ADAMTS17: variants seen among roughly 807,000 people sequenced by gnomAD.
ADAMTS17 encodes the protein ADAM metallopeptidase with thrombospondin type 1 motif 17.
A neutral mutation model predicts 141.5 loss-of-function variants in ADAMTS17; 113 were observed. The ratio of observed to expected loss-of-function variants is 0.80; its 90% CI spans 0.69 to 0.93. The LOEUF is 0.93. ADAMTS17 is among the 40% of genes least tolerant of loss of function. The pLI is 0.00. For missense variants in ADAMTS17, 1,659 were observed against 1,517.9 expected, an observed-to-expected ratio of 1.09 and a Z score of -1.54; for synonymous variants, 768 against 630.6, an observed-to-expected ratio of 1.22 and a Z score of -3.27.
chr15:100,125,482 C>T (rs767717260), intron 12 of ADAMTS17, among the ~76,000 whole-genome samples: 46 of 152,252 alleles, frequency 3.0e-4, no homozygotes, highest in Non-Finnish European at 5.9e-4. Context: ...TGCATGTGGG[C>T]GGCACCTCAT....
At chr15:100,212,620 T>C (rs912318951) in intron 7 of ADAMTS17, among the ~76,000 whole-genome samples, 1 of 151,836 alleles carries the variant, frequency 6.6e-6, no homozygotes, top group Admixed American at 6.6e-5. Flanking sequence ...CCCTCTCTGA[T>C]GAGCCAAGTC....
intron 18 of ADAMTS17, among the ~76,000 whole-genome samples, chr15:100,028,904 A>G (rs1176224080): frequency 1.3e-5 from 2 of 152,238 alleles, no homozygotes; most frequent in African/African-American, 4.8e-5. Flanking sequence ...CTTAACAGGC[A>G]TCTCCTTCTC....
At chr15:100,117,078 C>G in intron 12 of ADAMTS17, 65 bp from the exon 13 acceptor site, 2 of 1,534,782 alleles carry the variant, frequency 1.3e-6, no homozygotes, top group Non-Finnish European at 8.8e-7. Context: ...GAGCTGTTTC[C>G]GTCTCTCTTG....
chr15:100,338,884 G>A (rs1246996598), intron 2 of ADAMTS17: 1 of 945,522 alleles, frequency 1.1e-6, no homozygotes, highest in Non-Finnish European at 1.3e-6. Context: ...TGCAAACTTG[G>A]TTAGCCCAAA....
chr15:100,105,879 G>A (rs1014988023), intron 14 of ADAMTS17, among the ~76,000 whole-genome samples: 1 of 152,012 alleles, frequency 6.6e-6, no homozygotes, highest in African/African-American at 2.4e-5. Flanking sequence ...TAGTACAGAT[G>A]GAGTTTCACC....
At chr15:99,974,804 C>T (rs971846579) in intron 21 of ADAMTS17, among the ~76,000 whole-genome samples, 2 of 152,258 alleles carry the variant, frequency 1.3e-5, no homozygotes, top group African/African-American at 2.4e-5. Context: ...CTGGCTGCCT[C>T]TTCAGGGAAG....
At chr15:100,193,934 G>A (rs2041016548) in intron 8 of ADAMTS17, among the ~76,000 whole-genome samples, 1 of 152,230 alleles carries the variant, frequency 6.6e-6, no homozygotes, top group Non-Finnish European at 1.5e-5. Flanking sequence ...GGTGCCACTT[G>A]GGCTGGAGAC....
chr15:100,002,861 A>C (rs549238877), intron 18 of ADAMTS17, among the ~76,000 whole-genome samples: 1 of 151,706 alleles, frequency 6.6e-6, no homozygotes, highest in Non-Finnish European at 1.5e-5. Flanking sequence ...TTTCCCGCGG[A>C]GTTCTTACAA....
intron 15 of ADAMTS17, among the ~76,000 whole-genome samples, chr15:100,066,144 G>C (rs1017338865): frequency 1.3e-5 from 2 of 152,152 alleles, no homozygotes; most frequent in Non-Finnish European, 2.9e-5. Context: ...ATTTGGGTTG[G>C]TTCCAAGTCT....
At chr15:100,162,533 TTATATGTG>T (rs1567284840) in intron 8 of ADAMTS17, among the ~76,000 whole-genome samples, 44 of 63,180 alleles carry the variant, frequency 7.0e-4, no homozygotes, top group African/African-American at 2.8e-3. Flanking sequence ...CATATACACA[TTATATGTG>T]TATATATATG....
chr15:100,238,137 G>A (rs2042715267), intron 7 of ADAMTS17, among the ~76,000 whole-genome samples: 1 of 152,190 alleles, frequency 6.6e-6, no homozygotes, highest in Non-Finnish European at 1.5e-5. Context: ...TGTTGGCATA[G>A]GCAACCTCAA....
chr15:100,320,084 A>G (rs2045686160), intron 3 of ADAMTS17, among the ~76,000 whole-genome samples: 2 of 152,224 alleles, frequency 1.3e-5, no homozygotes, highest in South Asian at 4.1e-4. Flanking sequence ...AACTCAGTAG[A>G]AGATTAAATG....
chr15:100,310,291 G>A (rs576647624), intron 3 of ADAMTS17, among the ~76,000 whole-genome samples: 1 of 152,248 alleles, frequency 6.6e-6, no homozygotes, highest in Admixed American at 6.5e-5. Flanking sequence ...GCCCCACACA[G>A]GGAGAGGAGG....
chr15:100,234,360 C>T (rs1000461931), intron 7 of ADAMTS17, among the ~76,000 whole-genome samples: 1 of 152,178 alleles, frequency 6.6e-6, no homozygotes, highest in African/African-American at 2.4e-5. Context: ...AGGACACCGC[C>T]TGGCATATGG....
At chr15:100,200,308 G>A (rs2041277238) in intron 7 of ADAMTS17, among the ~76,000 whole-genome samples, 1 of 152,148 alleles carries the variant, frequency 6.6e-6, no homozygotes, top group East Asian at 1.9e-4. Context: ...TGTGGCTTTG[G>A]CAGAGGGACG....
chr15:100,155,236 G>A lies in ADAMTS17; in HGVS notation c.1266C>T (p.Asn422=), dbSNP rs1457252351. The change falls in exon 9 of 22, where the codon AAC becomes AAT. Residue 422 remains asparagine (N), a synonymous_variant. Coordinates refer to ENST00000268070, the MANE Select transcript of ADAMTS17 (RefSeq NM_139057.4). ...IMSGEWVKGR[N]PSDLSWSSCS... ...AGGAGGACCAAGAGAGGTCACTTGG[G>A]TTCCGGCCTTTCACCCACTCTCCTG... The A allele has an allele frequency of 1.2e-6, 2 of 1,614,080 alleles. No homozygotes were observed. The highest frequency in any genetic ancestry group is 1.3e-5 in the African/African-American group (1 of 74,924).
chr15:100,019,556 C>T (rs141821681), intron 18 of ADAMTS17, among the ~76,000 whole-genome samples: 2 of 152,304 alleles, frequency 1.3e-5, no homozygotes, highest in East Asian at 3.9e-4. Context: ...CCACGGGCAA[C>T]TGAACATGTG....
At chr15:100,292,525 A>G (rs1292701696) in intron 3 of ADAMTS17, among the ~76,000 whole-genome samples, 1 of 151,736 alleles carries the variant, frequency 6.6e-6, no homozygotes, top group African/African-American at 2.4e-5. Flanking sequence ...ATTATGAGAG[A>G]CACTCACCCC....
At chr15:100,086,692 C>T (rs2035124745) in intron 15 of ADAMTS17, among the ~76,000 whole-genome samples, 1 of 151,370 alleles carries the variant, frequency 6.6e-6, no homozygotes, top group Non-Finnish European at 1.5e-5. Context: ...GAAACTCACT[C>T]AAAACCGCTC....
Sources: allele counts gnomAD v4.1 joint callset (sites outside exome capture counted in the v4.1 genomes callset), GRCh38; gene constraint gnomAD v4.1.1; transcripts MANE v1.5; gene names NCBI Gene and HGNC (gene_info 2026-07-23, HGNC 2026-07-21).